Variants in PDE10A observed in about 807,000 individuals in gnomAD.
The protein encoded by PDE10A is phosphodiesterase 10A, also known as cAMP and cAMP-inhibited cGMP 3',5'-cyclic phosphodiesterase 10A.
PDE10A carries 39 observed loss-of-function variants against 97.7 expected under a neutral mutation model. That is an observed-to-expected ratio of 0.40 (90% confidence interval 0.31 to 0.52). The LOEUF is 0.52. PDE10A is among the 20% of genes least tolerant of loss of function. The probability of loss-of-function intolerance (pLI) is 0.56; values close to 1 mark genes in which losing one functional copy is unlikely to be tolerated. For synonymous variants in PDE10A, 371 were observed against 376.8 expected, an observed-to-expected ratio of 0.98 and a Z score of 0.18; for missense variants, 731 against 1,047.8, an observed-to-expected ratio of 0.70 and a Z score of 4.17.
chr6:165,397,846 G>A (rs533589959), intron 13 of PDE10A, among the ~76,000 whole-genome samples: 13 of 151,824 alleles, frequency 8.6e-5, no homozygotes, highest in Middle Eastern at 6.8e-3. Context: ...ATGTTTGATT[G>A]TGAAAACCTT....
chr6:165,659,651 C>A (rs1790137190), intron 1 of PDE10A, among the ~76,000 whole-genome samples: 1 of 152,220 alleles, frequency 6.6e-6, no homozygotes, highest in Non-Finnish European at 1.5e-5. Context: ...CTGTTCAAGG[C>A]CAAAGCTACT....
chr6:165,625,768 C>T (rs1463718495), intron 1 of PDE10A, among the ~76,000 whole-genome samples: 2 of 152,188 alleles, frequency 1.3e-5, no homozygotes, highest in African/African-American at 4.8e-5. Flanking sequence ...ATTGTGAGGC[C>T]TCCGCAGCCA....
chr6:165,410,692 T>C (rs949245286), intron 13 of PDE10A, among the ~76,000 whole-genome samples: 3 of 152,064 alleles, frequency 2.0e-5, no homozygotes, highest in African/African-American at 4.8e-5. Context: ...ACGAAGCACA[T>C]GCCTGCTAAC....
At chr6:165,528,890 T>G (rs1302554112) in intron 2 of PDE10A, among the ~76,000 whole-genome samples, 1 of 152,206 alleles carries the variant, frequency 6.6e-6, no homozygotes, top group African/African-American at 2.4e-5. Flanking sequence ...CAGAAGGCTG[T>G]GTATGCTCTG....
At chr6:165,809,259 G>C (rs865814733) in intron 1 of PDE10A, among the ~76,000 whole-genome samples, 5 of 152,296 alleles carry the variant, frequency 3.3e-5, no homozygotes, top group Middle Eastern at 6.8e-3. Context: ...GCTGGGTGCA[G>C]CCCTGGCTGC....
At chr6:165,549,512 G>A (rs568294945) in intron 1 of PDE10A, among the ~76,000 whole-genome samples, 35 of 152,190 alleles carry the variant, frequency 2.3e-4, no homozygotes, top group African/African-American at 7.0e-4. Flanking sequence ...TTTTAGTAGA[G>A]ACGGGGTTTC....
At chr6:165,885,845 T>C (rs1029266892) in intron 1 of PDE10A, among the ~76,000 whole-genome samples, 2 of 152,240 alleles carry the variant, frequency 1.3e-5, no homozygotes, top group African/African-American at 2.4e-5. Context: ...ATATGTGTGT[T>C]GGAAGGGAAG....
At chr6:165,450,591 G>T (rs1312271944) in intron 3 of PDE10A, among the ~76,000 whole-genome samples, 2 of 152,006 alleles carry the variant, frequency 1.3e-5, no homozygotes, top group African/African-American at 4.8e-5. Flanking sequence ...GACAGGGTCT[G>T]TCTCTGTTAC....
chr6:165,351,423 A>T (rs997352296), intron 18 of PDE10A, among the ~76,000 whole-genome samples: 1 of 152,224 alleles, frequency 6.6e-6, no homozygotes, highest in Non-Finnish European at 1.5e-5. Flanking sequence ...ACAAAGAATG[A>T]AATTTTTTAA....
At chr6:165,560,482 G>T (rs1288733693) in intron 1 of PDE10A, among the ~76,000 whole-genome samples, 1 of 152,134 alleles carries the variant, frequency 6.6e-6, no homozygotes, top group Admixed American at 6.6e-5. Context: ...AAATCAAATA[G>T]TTACACAGGG....
intron 1 of PDE10A, among the ~76,000 whole-genome samples, chr6:165,918,913 A>T (rs1782678818): frequency 6.6e-6 from 1 of 152,156 alleles, no homozygotes; most frequent in Non-Finnish European, 1.5e-5. Context: ...GACTGTTTTT[A>T]ATGGCAGATG....
intron 1 of PDE10A, among the ~76,000 whole-genome samples, chr6:165,958,625 TGAAG>T (rs1784246788): frequency 1.2e-5 from 1 of 84,870 alleles, no homozygotes; most frequent in East Asian, 3.3e-4. Context: ...AAGGAAGGAA[TGAAG>T]GAAGGAAGAA....
At chr6:165,581,366 A>T (rs1785608809) in intron 1 of PDE10A, among the ~76,000 whole-genome samples, 1 of 152,188 alleles carries the variant, frequency 6.6e-6, no homozygotes, top group Non-Finnish European at 1.5e-5. Context: ...TAGAGCCCTC[A>T]CTGACAGGAT....
chr6:165,899,960 T>A (rs1030419510), intron 1 of PDE10A, among the ~76,000 whole-genome samples: 14 of 152,198 alleles, frequency 9.2e-5, no homozygotes, highest in African/African-American at 3.4e-4. Flanking sequence ...AGAGATCCAC[T>A]GGGGAGGGCT....
At chr6:165,691,075 TTCTCTCTCTCTCTCTCTCTC>T (rs376093908) in intron 1 of PDE10A, among the ~76,000 whole-genome samples, 1 of 50,380 alleles carries the variant, frequency 2.0e-5, no homozygotes, top group East Asian at 8.5e-4. Flanking sequence ...CTCTCTCTCT[TTCTCTCTCTCTCTCTCTCTC>T]TCTTTCTCTC....
At chr6:165,399,280 C>T (rs1786434269) in intron 13 of PDE10A, among the ~76,000 whole-genome samples, 1 of 152,092 alleles carries the variant, frequency 6.6e-6, no homozygotes, top group Non-Finnish European at 1.5e-5. Flanking sequence ...ATACATCAAC[C>T]CAATCAAAAT....
intron 1 of PDE10A, chr6:165,545,321 CT>C (rs2128325003): frequency 2.4e-6 from 1 of 408,764 alleles, no homozygotes; most frequent in African/African-American, 2.1e-5. Context: ...CAAGCTCCAT[CT>C]TAAGTCAAAA....
At chr6:165,807,254 T>A (rs530416166) in intron 1 of PDE10A, among the ~76,000 whole-genome samples, 6 of 149,062 alleles carry the variant, frequency 4.0e-5, no homozygotes, top group African/African-American at 1.6e-4. Flanking sequence ...CCTGCATATT[T>A]TCCTTTTTAG....
At chr6:165,746,575 C>G (rs1371783333) in intron 1 of PDE10A, among the ~76,000 whole-genome samples, 1 of 152,234 alleles carries the variant, frequency 6.6e-6, no homozygotes, top group Non-Finnish European at 1.5e-5. Flanking sequence ...GACCCGGAGA[C>G]ACAGCGGTGA....
Sources: allele counts gnomAD v4.1 joint callset (sites outside exome capture counted in the v4.1 genomes callset), GRCh38; gene constraint gnomAD v4.1.1; transcripts MANE v1.5; gene names NCBI Gene and HGNC (gene_info 2026-07-23, HGNC 2026-07-21).